The following MGA variants were observed in gnomAD, a reference collection of about 807,000 sequenced individuals.
MGA encodes the protein MAX gene-associated protein.
MGA carries 40 observed loss-of-function variants against 261.1 expected under a neutral mutation model. The observed-to-expected ratio is 0.15, with a 90% confidence interval of 0.12 to 0.20. The LOEUF (loss-of-function observed/expected upper bound fraction) is 0.20, where lower values mean the gene tolerates loss of function less well. MGA is among the 10% of genes least tolerant of loss of function. The pLI, the probability that MGA is intolerant of heterozygous loss-of-function variation, is 1.00. For missense variants in MGA, 3,397 were observed against 3,630.5 expected (o/e 0.94, Z 1.65); for synonymous variants, 1,302 against 1,290.6 (o/e 1.01, Z -0.19).
chr15:41,711,341 A>T lies in MGA; in HGVS notation c.3076A>T (p.Thr1026Ser). ...AGATGTATCCTTAACAACTCTACTTACAGCTCAAGTAAGTAGCTGCTGTTT... is the reference window on the plus strand; with the variant it reads ...AGATGTATCCTTAACAACTCTACTTTCAGCTCAAGTAAGTAGCTGCTGTTT... The change falls in exon 8 of 24, where the codon ACA (threonine) becomes TCA (serine). Residue 1026 changes from threonine (T) to serine (S), a missense_variant. Coordinates refer to ENST00000219905, the MANE Select transcript of MGA (RefSeq NM_001164273.2). 6.3e-7 allele frequency: 1 copy of T among 1,597,828 alleles called. No homozygotes were observed. Among genetic ancestry groups the T allele is most frequent in the Middle Eastern group, 1.7e-4 (1 of 5,958 alleles).
chr15:41,660,046 G>A (rs1224686916), upstream of MGA, among the ~76,000 whole-genome samples: 1 of 152,238 alleles, frequency 6.6e-6, no homozygotes, highest in Non-Finnish European at 1.5e-5. Context: ...GCGCGGCCGG[G>A]GCGGAGCCGG....
At chr15:41,667,488 TG>T (rs1348728212) in intron 1 of MGA, among the ~76,000 whole-genome samples, 1 of 152,040 alleles carries the variant, frequency 6.6e-6, no homozygotes, top group Non-Finnish European at 1.5e-5. Context: ...TCAAGTGATC[TG>T]ACCTCCTTGG....
At chr15:41,654,379 T>A (rs899923991) in intron 1 of MGA, among the ~76,000 whole-genome samples, 33 of 152,162 alleles carry the variant, frequency 2.2e-4, no homozygotes, top group African/African-American at 5.8e-4. Context: ...GATCTTTTTT[T>A]AAAAAAAATC....
chr15:41,762,461 G>GTTT (rs34069193), intron 22 of MGA, 99 bp downstream of exon 22: 2,177 of 137,800 alleles, frequency 0.016, 175 homozygotes, highest in East Asian at 0.034. Context: ...GTTTTGTGTG[G>GTTT]TTTTTTTTTT....
intron 1 of MGA, among the ~76,000 whole-genome samples, chr15:41,633,032 A>G (rs1197846780): frequency 6.6e-6 from 1 of 151,648 alleles, no homozygotes; most frequent in Non-Finnish European, 1.5e-5. Flanking sequence ...GCTCACTGCA[A>G]CCTCTGCCTC....
chr15:41,647,375 AGACCCTGATATT>A (rs2056955080), intron 1 of MGA, among the ~76,000 whole-genome samples: 1 of 152,214 alleles, frequency 6.6e-6, no homozygotes, highest in Non-Finnish European at 1.5e-5. Context: ...CCTGAGCACT[AGACCCTGATATT>A]CATTTACTTC....
chr15:41,669,662 A>G lies in MGA; in HGVS notation c.768A>G (p.Lys256=). 1 of 1,613,822 alleles carries G rather than the reference A, an allele frequency of 6.2e-7. No individual in the cohort carries two copies. Residue 256 remains lysine (K), a synonymous_variant, in exon 2 of 24, where the codon AAA becomes AAG. Coordinates refer to ENST00000219905, the MANE Select transcript of MGA (RefSeq NM_001164273.2). ...AAATAGATTACAATCCATTTGCCAA[A>G]GGCTTTCGGGATGATGGGCTGAATA...
intron 1 of MGA, among the ~76,000 whole-genome samples, chr15:41,624,721 C>T (rs965430500): frequency 5.9e-5 from 9 of 152,168 alleles, no homozygotes; most frequent in East Asian, 1.9e-4. Flanking sequence ...CTTCCCATCT[C>T]GGCCTCCTAA....
chr15:41,707,917 G>C (rs1051733269), intron 6 of MGA, 58 bp downstream of exon 6: 12 of 1,554,430 alleles, frequency 7.7e-6, no homozygotes, highest in Admixed American at 2.0e-5. Context: ...TACGTTATTT[G>C]TAACGTAAGT....
chr15:41,760,056 C>T (rs1441221520), intron 19 of MGA: 2 of 404,856 alleles, frequency 4.9e-6, no homozygotes, highest in African/African-American at 4.0e-5. Context: ...GTAACATATA[C>T]AATTTCTTCC....
chr15:41,669,912 T>C lies in MGA; in HGVS notation c.1018T>C (p.Ser340Pro). Reference sequence around the variant, plus strand: ...CTTTCTTGGTTTCATGGATACTGATTCAGCACTTAGTGAAGTTCCTCAATT... The same window carrying C: ...CTTTCTTGGTTTCATGGATACTGATCCAGCACTTAGTGAAGTTCCTCAATT... The change falls in exon 2 of 24, where the codon TCA becomes CCA. Residue 340 changes from serine to proline, a missense_variant. This residue lies in a region of MGA where 563 missense variants were observed against 563.6 expected (regional missense o/e 1.00). Transcript: ENST00000219905. 6.2e-7 allele frequency: 1 copy of C among 1,613,966 alleles called. No homozygotes were observed. Among genetic ancestry groups the C allele is most frequent in the Non-Finnish European group, 8.5e-7 (1 of 1,179,868 alleles).
chr15:41,702,210 A>T (rs1391293419), intron 5 of MGA, among the ~76,000 whole-genome samples: 2 of 151,944 alleles, frequency 1.3e-5, no homozygotes, highest in Non-Finnish European at 2.9e-5. Context: ...AATCCCAGCT[A>T]CTTGGGAGGC....
In MGA at chr15:41,736,453, A is replaced by T; in HGVS notation, c.4189A>T (p.Ile1397Phe). 1 of 1,613,948 alleles carries T rather than the reference A, an allele frequency of 6.2e-7. No homozygotes were observed. Among genetic ancestry groups the T allele is most frequent in the Non-Finnish European group, 8.5e-7 (1 of 1,179,884 alleles). Residue 1397 changes from isoleucine to phenylalanine, a missense_variant, in exon 13 of 24, where the codon ATC (isoleucine) becomes TTC (phenylalanine). By Grantham distance (21) the Ile-to-Phe change is conservative. Coordinates refer to ENST00000219905, the MANE Select transcript of MGA (RefSeq NM_001164273.2). ...TCCTGTTTATTCTTCTCGTGTGAAA[A>T]TCTCTATGCCATCATGTCAAGACCA...
At position 41,710,786 on chromosome 15, in the gene MGA, A is replaced by T; in HGVS notation, c.2521A>T (p.Ser841Cys). 6.2e-7 allele frequency: 1 copy of T among 1,613,972 alleles called. No individual in the cohort carries two copies. The highest frequency in any genetic ancestry group is 2.2e-5 in the East Asian group (1 of 44,884). ...AAATGAAGGCAAGCTGATGGAAACA[A>T]GCATGGGTTTTTCTTCTAATGCTCC... is the stretch of plus-strand genomic sequence containing the variant. The change falls in exon 8 of 24, where the codon AGC becomes TGC. Residue 841 changes from serine (S) to cysteine (C), a missense_variant. Physicochemically the swap from Ser to Cys is moderately radical, Grantham distance 112 (BLOSUM62 -1). Coordinates refer to ENST00000219905, the MANE Select transcript of MGA (RefSeq NM_001164273.2).
chr15:41,645,325 C>T (rs373518830), intron 1 of MGA, among the ~76,000 whole-genome samples: 2 of 152,232 alleles, frequency 1.3e-5, no homozygotes, highest in East Asian at 1.9e-4. Flanking sequence ...TGCGGTGGCT[C>T]ACGCCTGTAA....
chr15:41,717,600 A>G (rs1283545361), intron 9 of MGA, among the ~76,000 whole-genome samples: 1 of 152,198 alleles, frequency 6.6e-6, no homozygotes, highest in Non-Finnish European at 1.5e-5. Flanking sequence ...TGCTTGCCTT[A>G]TACTTATTAG....
chr15:41,640,665 T>C (rs2056803756), intron 1 of MGA, among the ~76,000 whole-genome samples: 1 of 152,068 alleles, frequency 6.6e-6, no homozygotes, highest in African/African-American at 2.4e-5. Flanking sequence ...ATTACAGGCA[T>C]ACGCCACCAC....
intron 1 of MGA, among the ~76,000 whole-genome samples, chr15:41,627,369 T>C (rs1431314707): frequency 6.6e-6 from 1 of 152,224 alleles, no homozygotes; most frequent in Non-Finnish European, 1.5e-5. Context: ...GCTATGATAG[T>C]TTCTCACACT....
At chr15:41,647,016 A>G (rs1048435758) in intron 1 of MGA, among the ~76,000 whole-genome samples, 2 of 152,184 alleles carry the variant, frequency 1.3e-5, no homozygotes, top group African/African-American at 4.8e-5. Context: ...TGTTATTTCC[A>G]TTGGATAAGC....
Sources: gnomAD v4.1 joint callset for allele counts (sites outside exome capture counted in the v4.1 genomes callset) on GRCh38, gnomAD v4.1.1 for gene constraint, gnomAD v4.1.1 regional missense constraint, MANE v1.5 for transcripts, NCBI Gene and HGNC (gene_info 2026-07-23, HGNC 2026-07-21) for gene names.